Variants in KAZN observed in about 807,000 individuals in gnomAD.
KAZN encodes kazrin, periplakin interacting protein.
A neutral mutation model predicts 87.4 loss-of-function variants in KAZN; 40 were observed. The observed-to-expected ratio is 0.46, with a 90% CI of 0.36 to 0.60. The LOEUF (loss-of-function observed/expected upper bound fraction) is 0.60. Among genes scored for constraint, KAZN ranks in the 20% least tolerant of loss-of-function variants. KAZN has a pLI of 0.00. For missense variants in KAZN, 898 were observed against 1,073.9 expected (o/e 0.84, Z 2.29); for synonymous variants, 466 against 458.3 (o/e 1.02, Z -0.22).
At chr1:14,947,407 G>T (rs1316816541) in intron 1 of KAZN, among the ~76,000 whole-genome samples, 1 of 152,232 alleles carries the variant, frequency 6.6e-6, no homozygotes, top group Non-Finnish European at 1.5e-5. Context: ...GCCTGGCCTT[G>T]GGGAGGGGAG....
intron 1 of KAZN, among the ~76,000 whole-genome samples, chr1:14,629,333 T>A (rs1679388426): frequency 6.6e-6 from 1 of 152,224 alleles, no homozygotes; most frequent in South Asian, 2.1e-4. Context: ...GTTTGCCATA[T>A]TCGTTGCTGT....
intron 1 of KAZN, among the ~76,000 whole-genome samples, chr1:14,889,006 A>G (rs1654419525): frequency 6.6e-6 from 1 of 152,246 alleles, no homozygotes; most frequent in Non-Finnish European, 1.5e-5. Context: ...ATGATAGCTA[A>G]TGAGTTTTTA....
chr1:15,011,976 A>T (rs1305335900), intron 2 of KAZN, among the ~76,000 whole-genome samples: 2 of 152,130 alleles, frequency 1.3e-5, no homozygotes, highest in Non-Finnish European at 2.9e-5. Context: ...GGAACTTGGA[A>T]GAGCCTTTCT....
chr1:15,086,998 A>T (rs1320918070), intron 8 of KAZN, among the ~76,000 whole-genome samples: 1 of 152,250 alleles, frequency 6.6e-6, no homozygotes. Context: ...AAATTCCCAG[A>T]TGCTGCTGAT....
rs186952060 is a variant in KAZN, at chr1:15,053,878, G to A, written c.727-2213G>A. Among the ~76,000 whole-genome samples the A allele has an allele frequency of 8.1e-4, 123 of 152,310 alleles. 1 individual carries two copies. The highest frequency in any genetic ancestry group is 2.9e-3 in the African/African-American group (122 of 41,572). On this transcript the variant is annotated intron_variant, in intron 4 of 14. Transcript: ENST00000376030. ...ACCCTCAGCTTAGCCTCTGCGGTATGGATTTCTATTCCCTGGAAGCTGGCA... is the reference window on the plus strand; with the variant it reads ...ACCCTCAGCTTAGCCTCTGCGGTATAGATTTCTATTCCCTGGAAGCTGGCA...
intron 1 of KAZN, among the ~76,000 whole-genome samples, chr1:14,057,194 GTGCAATCTCAGCTCAC>G (rs944803702): frequency 5.3e-5 from 8 of 151,484 alleles, no homozygotes; most frequent in Admixed American, 2.0e-4. Context: ...GAGTACAGTG[GTGCAATCTCAGCTCAC>G]TGCAATCTCT....
chr1:14,064,568 C>T (rs1284209595), intron 1 of KAZN, among the ~76,000 whole-genome samples: 4 of 151,640 alleles, frequency 2.6e-5, no homozygotes, highest in South Asian at 2.1e-4. Flanking sequence ...TGTAAGGAAG[C>T]GTTTTTTGAT....
At chr1:14,827,848 G>A (rs562768073) in intron 1 of KAZN, among the ~76,000 whole-genome samples, 1 of 152,346 alleles carries the variant, frequency 6.6e-6, no homozygotes, top group Admixed American at 6.5e-5. Flanking sequence ...GGTGGAACAG[G>A]AGCCCCTAAC....
At chr1:13,896,051 G>A (rs994392209) in intron 1 of KAZN, among the ~76,000 whole-genome samples, 1 of 151,916 alleles carries the variant, frequency 6.6e-6, no homozygotes, top group African/African-American at 2.4e-5. Context: ...CAGTGCAGTG[G>A]CATGATCATA....
At chr1:13,942,539 T>G (rs71510952) in intron 1 of KAZN, among the ~76,000 whole-genome samples, 14,900 of 87,022 alleles carry the variant, frequency 0.17, 1,047 homozygotes, top group Middle Eastern at 0.35. Context: ...AGAGCGAGAC[T>G]CCGTCTCAAA....
At chr1:14,206,113 G>A (rs1646738992) in intron 2 of KAZN, among the ~76,000 whole-genome samples, 1 of 151,844 alleles carries the variant, frequency 6.6e-6, no homozygotes, top group African/African-American at 2.4e-5. Context: ...AGTTATCAAG[G>A]GAATTATTAC....
chr1:14,887,990 T>A (rs1654275882), intron 1 of KAZN, among the ~76,000 whole-genome samples: 1 of 151,452 alleles, frequency 6.6e-6, no homozygotes, highest in Non-Finnish European at 1.5e-5. Flanking sequence ...GGAATGAAAA[T>A]GGCACCAAAT....
At chr1:14,108,346 G>A (rs1356895735) in intron 1 of KAZN, among the ~76,000 whole-genome samples, 6 of 152,202 alleles carry the variant, frequency 3.9e-5, no homozygotes, top group Non-Finnish European at 1.5e-5. Context: ...TTAGGGAAGA[G>A]TGTGTCTCTG....
chr1:14,131,075 C>T lies in KAZN; in HGVS notation c.92-49360C>T, dbSNP rs139650471. On this transcript the variant is annotated intron_variant, in intron 1 of 16. Coordinates refer to the KAZN transcript ENST00000636203. ...CTTACAATCGTGGCAGAAGGTGAAGCGGAAGCAAAGCACATTTTCATATGG... is the reference window on the plus strand; with the variant it reads ...CTTACAATCGTGGCAGAAGGTGAAGTGGAAGCAAAGCACATTTTCATATGG... Among the ~76,000 whole-genome samples the T allele has an allele frequency of 4.9e-4, 75 of 152,130 alleles. 1 individual carries two copies. The East Asian group carries it at 0.014, about 28-fold the overall frequency.
rs150098547 is a variant in KAZN at position 14,240,835 on chromosome 1, G to C, written c.249+60243G>C. ...TAGGATTTCAGAATGTTCCACTTCT[G>C]TTGGCTCAGGGGCTTTGCAGGGGCA... is the stretch of plus-strand genomic sequence containing the variant. On this transcript the variant is annotated intron_variant, in intron 2 of 16. Coordinates refer to the KAZN transcript ENST00000636203. Among the ~76,000 whole-genome samples, 1,133 of 152,332 alleles carry C rather than the reference G, an allele frequency of 7.4e-3. 12 individuals carry two copies. Among genetic ancestry groups the C allele is most frequent in the African/African-American group, 0.026 (1,068 of 41,568 alleles).
At chr1:14,222,381 G>A (rs930714103) in intron 2 of KAZN, among the ~76,000 whole-genome samples, 2 of 152,178 alleles carry the variant, frequency 1.3e-5, no homozygotes, top group East Asian at 1.9e-4. Context: ...TGTATTATAA[G>A]ACACTTAACC....
chr1:14,779,403 G>A (rs181247527), intron 1 of KAZN, among the ~76,000 whole-genome samples: 13 of 152,312 alleles, frequency 8.5e-5, no homozygotes, highest in African/African-American at 2.6e-4. Context: ...TGGAGGGTAC[G>A]GCCAGAAGCT....
At chr1:14,244,970 TG>T (rs1268207986) in intron 2 of KAZN, among the ~76,000 whole-genome samples, 1 of 152,100 alleles carries the variant, frequency 6.6e-6, no homozygotes, top group Non-Finnish European at 1.5e-5. Flanking sequence ...TCTTGTTTTT[TG>T]TTTTTTGGAG....
chr1:14,534,591 G>C (rs965807062), intron 2 of KAZN, among the ~76,000 whole-genome samples: 4 of 152,142 alleles, frequency 2.6e-5, no homozygotes, highest in Admixed American at 2.6e-4. Context: ...GTTGCAGTGA[G>C]CCGAGATCGC....
Sources: gnomAD v4.1 joint callset for allele counts (sites outside exome capture counted in the v4.1 genomes callset) on GRCh38, gnomAD v4.1.1 for gene constraint, MANE v1.5 for transcripts, NCBI Gene and HGNC (gene_info 2026-07-23, HGNC 2026-07-21) for gene names.